Variants in VSTM5 observed in about 807,000 individuals in gnomAD.
VSTM5 encodes V-set and transmembrane domain containing 5.
VSTM5 carries 21 observed loss-of-function variants against 20.3 expected under a neutral mutation model. The ratio of observed to expected loss-of-function variants is 1.03; its 90% CI spans 0.73 to 1.49. The LOEUF is 1.49. VSTM5 is among the 40% of genes most tolerant of loss of function. VSTM5 has a pLI of 0.00. For synonymous variants in VSTM5, 100 were observed against 102.5 expected, an observed-to-expected ratio of 0.98 and a Z score of 0.14; for missense variants, 219 against 250.0, an observed-to-expected ratio of 0.88 and a Z score of 0.84.
At chr11:93,829,161 A>C (rs932008888) in intron 1 of VSTM5, among the ~76,000 whole-genome samples, 7 of 152,204 alleles carry the variant, frequency 4.6e-5, no homozygotes, top group African/African-American at 1.4e-4. Context: ...CAACTGCCCC[A>C]GTTTGTCCAG....
chr11:93,837,032 C>CACAA (rs1180244490), intron 1 of VSTM5, among the ~76,000 whole-genome samples: 5 of 151,078 alleles, frequency 3.3e-5, no homozygotes, highest in African/African-American at 1.2e-4. Flanking sequence ...CACACACACA[C>CACAA]ACACACACAT....
chr11:93,824,339 CT>C (rs1944215537), intron 1 of VSTM5, among the ~76,000 whole-genome samples: 1 of 152,100 alleles, frequency 6.6e-6, no homozygotes, highest in Non-Finnish European at 1.5e-5. Flanking sequence ...GTCACCTTGT[CT>C]TTTTGATAAT....
intron 1 of VSTM5, among the ~76,000 whole-genome samples, chr11:93,843,686 G>A (rs186194570): frequency 1.3e-5 from 2 of 152,308 alleles, no homozygotes; most frequent in African/African-American, 4.8e-5. Context: ...AAAAACTGAG[G>A]AGATACTGGC....
rs1257894372 is a variant in VSTM5, at chr11:93,840,432, C to T, written c.91+9980G>A. On this transcript the variant is annotated intron_variant, in intron 1 of 3. Coordinates refer to ENST00000409977, the MANE Select transcript of VSTM5 (RefSeq NM_001144871.2). ...CTAATCCACACTGAGGTGTTAGCAG[C>T]TGAAGACCATTTATTAGAATTCCTT... Among the ~76,000 whole-genome samples, 3 of 152,198 alleles carry T rather than the reference C, an allele frequency of 2.0e-5. No individual in the cohort carries two copies. The East Asian group carries it at 5.8e-4, about 29-fold the overall frequency.
chr11:93,820,623 A>G lies in VSTM5; in HGVS notation c.560-11T>C, dbSNP rs1292098943. 6.4e-7 allele frequency: 1 copy of G among 1,551,848 alleles called. No individual in the cohort carries two copies. The highest frequency in any genetic ancestry group is 1.2e-5 in the South Asian group (1 of 84,054). On this transcript the variant is annotated splice_polypyrimidine_tract_variant and intron_variant, in intron 3 of 3. Coordinates refer to ENST00000409977, the MANE Select transcript of VSTM5 (RefSeq NM_001144871.2). ...CCTCAGTTGTGCTTTCTGTAAAGCAAAGACAAGTCAATGAGTTGGAAATCA... is the reference window on the plus strand; with the variant it reads ...CCTCAGTTGTGCTTTCTGTAAAGCAGAGACAAGTCAATGAGTTGGAAATCA...
rs145261603 is a variant in VSTM5, at chr11:93,837,661, G to GA, written c.91+12750dup. On this transcript the variant is annotated intron_variant, in intron 1 of 3. Transcript: ENST00000409977. ...GATACCTCACAGATCGGATATGTTA[G>GA]AAAGAATTAAAGTGAATGCAGTATG... Among the ~76,000 whole-genome samples, 17 of 152,162 alleles carry GA rather than the reference G, an allele frequency of 1.1e-4. No homozygotes were observed. In the East Asian group the frequency reaches 2.7e-3, roughly 24 times the overall value.
At chr11:93,823,293 C>T (rs1222166776) in intron 1 of VSTM5, among the ~76,000 whole-genome samples, 1 of 151,766 alleles carries the variant, frequency 6.6e-6, no homozygotes, top group Non-Finnish European at 1.5e-5. Flanking sequence ...GTTGGGATTA[C>T]AAGTGTGAGC....
intron 1 of VSTM5, among the ~76,000 whole-genome samples, chr11:93,839,398 C>G (rs1333647450): frequency 6.6e-6 from 1 of 152,212 alleles, no homozygotes; most frequent in Non-Finnish European, 1.5e-5. Flanking sequence ...ACCTCTGCCC[C>G]TGGCAGGTAC....
intron 1 of VSTM5, among the ~76,000 whole-genome samples, chr11:93,825,810 C>G (rs1208472973): frequency 1.3e-5 from 2 of 149,958 alleles, no homozygotes; most frequent in African/African-American, 4.9e-5. Context: ...ACTTTATCAC[C>G]CAGGCTGGAG....
At chr11:93,836,092 C>T (rs933398736) in intron 1 of VSTM5, among the ~76,000 whole-genome samples, 5 of 152,196 alleles carry the variant, frequency 3.3e-5, no homozygotes, top group African/African-American at 1.2e-4. Flanking sequence ...TCTCCTTCCT[C>T]ATCCACTACA....
intron 1 of VSTM5, among the ~76,000 whole-genome samples, chr11:93,837,908 A>G (rs1944337046): frequency 6.6e-6 from 1 of 151,874 alleles, no homozygotes; most frequent in African/African-American, 2.4e-5. Flanking sequence ...AGCTCAGCCA[A>G]CTGCATGGCA....
intron 3 of VSTM5, 22 bp downstream of exon 3, chr11:93,820,721 A>T (rs1419924686): frequency 1.3e-6 from 2 of 1,551,740 alleles, no homozygotes; most frequent in Non-Finnish European, 1.7e-6. Context: ...CTCATGGATT[A>T]TCACAAGGCC....
At chr11:93,846,575 T>C (rs1479114721) in intron 1 of VSTM5, among the ~76,000 whole-genome samples, 5 of 142,600 alleles carry the variant, frequency 3.5e-5, no homozygotes, top group Admixed American at 3.4e-4. Flanking sequence ...GGCTAAAAGC[T>C]GAAAGCTTAA....
intron 1 of VSTM5, among the ~76,000 whole-genome samples, chr11:93,837,421 C>T (rs1294976851): frequency 6.6e-6 from 1 of 152,112 alleles, no homozygotes; most frequent in Non-Finnish European, 1.5e-5. Flanking sequence ...TGCCCTCATG[C>T]ACACACAGCC....
In VSTM5 at chr11:93,821,157, C is replaced by T. The variant is rs1944181983; in HGVS notation, c.258G>A (p.Gln86=). 1.3e-6 allele frequency: 2 copies of T among 1,552,082 alleles called. No homozygotes were observed. The highest frequency in any genetic ancestry group is 8.7e-7 in the Non-Finnish European group (1 of 1,147,098). The stretch of plus-strand genomic sequence containing the variant: ...CCTTGTGGCTTTGAGAGATGTTGGC[C>T]TGAGTCCCTGGTTTCCACTCCACGA... ...QKIVEWKPGT[Q]ANISQSHKDR... is the part of the protein sequence containing the mutation. Residue 86 remains glutamine (Q), a synonymous_variant, in exon 2 of 4, where the codon CAG becomes CAA. Coordinates refer to ENST00000409977, the MANE Select transcript of VSTM5 (RefSeq NM_001144871.2).
In VSTM5 at chr11:93,818,661, G is replaced by C. The variant is rs1214171372; in HGVS notation, c.*1908C>G. On this transcript the variant is annotated 3_prime_UTR_variant, in exon 4 of 4. Transcript: ENST00000409977. ...AAGCGGAAGAGCAGAGTTCTGAAAG[G>C]CAGGTAGTGTGGAAGAGGACATGCT... The C allele has an allele frequency of 3.3e-5, 5 of 151,994 alleles. No homozygotes were observed. Among genetic ancestry groups the C allele is most frequent in the Non-Finnish European group, 7.3e-5 (5 of 68,032 alleles). 9.4% of individuals were successfully genotyped at this position (151,994 alleles called of 1,614,324 possible).
chr11:93,835,310 C>T (rs1384310651), intron 1 of VSTM5, among the ~76,000 whole-genome samples: 2 of 151,976 alleles, frequency 1.3e-5, no homozygotes, highest in African/African-American at 4.8e-5. Context: ...GTAGTTGCAG[C>T]TACTCAGGAG....
At chr11:93,838,499 A>C (rs1944342387) in intron 1 of VSTM5, among the ~76,000 whole-genome samples, 1 of 151,340 alleles carries the variant, frequency 6.6e-6, no homozygotes, top group South Asian at 2.1e-4. Flanking sequence ...ACAAAAACAA[A>C]AAAGCAACCA....
chr11:93,838,994 C>T (rs1944347130), intron 1 of VSTM5, among the ~76,000 whole-genome samples: 1 of 152,186 alleles, frequency 6.6e-6, no homozygotes, highest in Non-Finnish European at 1.5e-5. Context: ...GCTCCAGCCC[C>T]ACTTAGGAGT....
Sources: allele counts gnomAD v4.1 joint callset (sites outside exome capture counted in the v4.1 genomes callset), GRCh38; gene constraint gnomAD v4.1.1; transcripts MANE v1.5; gene names NCBI Gene and HGNC (gene_info 2026-07-23, HGNC 2026-07-21).